Variants in MYO5B observed in about 807,000 individuals in gnomAD.
The protein encoded by MYO5B is myosin VB, also known as unconventional myosin-Vb.
A neutral mutation model predicts 229.3 loss-of-function variants in MYO5B; 143 were observed. That is an observed-to-expected ratio of 0.62 (90% confidence interval 0.54 to 0.72). The LOEUF is 0.72. MYO5B is among the 30% of genes least tolerant of loss of function. MYO5B has a pLI of 0.00. For missense variants in MYO5B, 2,321 were observed against 2,331.0 expected, an observed-to-expected ratio of 1.00 and a Z score of 0.09; for synonymous variants, 918 against 885.2, an observed-to-expected ratio of 1.04 and a Z score of -0.66.
intron 4 of MYO5B, among the ~76,000 whole-genome samples, chr18:50,003,522 G>A (rs2026069619): frequency 2.6e-5 from 4 of 152,166 alleles, no homozygotes; most frequent in African/African-American, 4.8e-5. Context: ...AAACCTAGAG[G>A]ATAATGACAG....
Position 50,013,955 on chromosome 18 carries a change from G to A in MYO5B, c.456-12544C>T, listed in dbSNP as rs565123395. 3.3e-5 allele frequency among the ~76,000 whole-genome samples: 5 copies of A among 152,316 alleles called. No homozygotes were observed. The South Asian group carries it at 6.2e-4, about 19-fold the overall frequency. On this transcript the variant is annotated intron_variant, in intron 4 of 39. Coordinates refer to ENST00000285039, the MANE Select transcript of MYO5B (RefSeq NM_001080467.3). Reference sequence around the variant, plus strand: ...CCCACAGGTTACAGCCTCAGGTGCCGCTGGGTATGCTTGCTGAGTCACCAT... The same window carrying A: ...CCCACAGGTTACAGCCTCAGGTGCCACTGGGTATGCTTGCTGAGTCACCAT...
intron 14 of MYO5B, among the ~76,000 whole-genome samples, chr18:49,949,359 C>G (rs1254611027): frequency 2.6e-5 from 4 of 151,836 alleles, no homozygotes; most frequent in African/African-American, 9.7e-5. Context: ...AACCTCCATC[C>G]TTTAGTATTT....
chr18:50,013,012 G>C (rs889847604), intron 4 of MYO5B, among the ~76,000 whole-genome samples: 5 of 152,286 alleles, frequency 3.3e-5, no homozygotes, highest in African/African-American at 1.2e-4. Flanking sequence ...AGTGAGTGCT[G>C]GCTGTACTTA....
intron 1 of MYO5B, among the ~76,000 whole-genome samples, chr18:50,188,456 A>C (rs932898852): frequency 1.3e-5 from 2 of 152,102 alleles, no homozygotes; most frequent in Non-Finnish European, 2.9e-5. Flanking sequence ...TTTATCACCA[A>C]ACACACTGAA....
intron 39 of MYO5B, among the ~76,000 whole-genome samples, chr18:49,829,236 T>A (rs765036323): frequency 2.0e-5 from 3 of 151,786 alleles, no homozygotes; most frequent in Admixed American, 6.6e-5. Flanking sequence ...GTGGGAAGAC[T>A]AAAATGAGAA....
intron 33 of MYO5B, among the ~76,000 whole-genome samples, chr18:49,846,530 C>T (rs568733354): frequency 3.3e-5 from 5 of 152,172 alleles, no homozygotes; most frequent in Non-Finnish European, 7.4e-5. Flanking sequence ...GGTCTGAACA[C>T]AGCCCATGTG....
At chr18:49,932,070 ACCT>A in intron 16 of MYO5B, among the ~76,000 whole-genome samples, 1 of 152,124 alleles carries the variant, frequency 6.6e-6, no homozygotes, top group Middle Eastern at 3.4e-3. Context: ...TTCTTCCAGG[ACCT>A]CCTACTGTTT....
rs1173123084 is a variant in MYO5B, at chr18:49,837,543, G to A, written c.5112C>T (p.Cys1704=). The change falls in exon 37 of 40, where the codon TGC becomes TGT. Residue 1704 remains cysteine, a synonymous_variant. Transcript: ENST00000285039. ...TGAGTTGCATGCCTGTGCTCCAAGA[G>A]CAGACGTCCTTCCGCAAGAGCAGGT... The part of the protein sequence containing the change: ...LNNLLLRKDV[C]SWSTGMQLRY... 6 of 1,613,856 alleles carry A rather than the reference G, an allele frequency of 3.7e-6. No homozygotes were observed. The African/African-American group carries it at 4.0e-5, about 11-fold the overall frequency.
chr18:49,973,443 G>T (rs2025712355), intron 10 of MYO5B, among the ~76,000 whole-genome samples: 1 of 152,194 alleles, frequency 6.6e-6, no homozygotes, highest in Admixed American at 6.5e-5. Context: ...GAGTGTCACT[G>T]TTCTTACGAC....
intron 14 of MYO5B, among the ~76,000 whole-genome samples, chr18:49,945,325 G>A (rs892680977): frequency 2.6e-5 from 4 of 152,204 alleles, no homozygotes; most frequent in South Asian, 2.1e-4. Context: ...TGGGAACTCC[G>A]AATTCAATAC....
At chr18:49,947,917 T>C (rs1022930592) in intron 14 of MYO5B, among the ~76,000 whole-genome samples, 2 of 140,128 alleles carry the variant, frequency 1.4e-5, no homozygotes, top group African/African-American at 3.1e-5. Context: ...GTTTGTTACA[T>C]CTGTATACAT....
At chr18:49,872,292 G>A (rs527560465) in intron 26 of MYO5B, 60 bp from the exon 27 acceptor site, 3 of 1,551,308 alleles carry the variant, frequency 1.9e-6, no homozygotes, top group South Asian at 2.2e-5. Flanking sequence ...CCACAGAGGT[G>A]TTTCCAACTG....
At chr18:50,178,139 C>A (rs1204371319) in intron 1 of MYO5B, among the ~76,000 whole-genome samples, 2 of 152,186 alleles carry the variant, frequency 1.3e-5, no homozygotes, top group East Asian at 3.8e-4. Flanking sequence ...GAGTGGAAGA[C>A]ATCTCTGCTG....
At chr18:50,075,774 C>T (rs544875982) in intron 1 of MYO5B, among the ~76,000 whole-genome samples, 4 of 152,338 alleles carry the variant, frequency 2.6e-5, no homozygotes, top group South Asian at 2.1e-4. Flanking sequence ...CCAGGAGAGA[C>T]GAGTTTTCAT....
At position 49,822,920 on chromosome 18, in the gene MYO5B, A is replaced by G. The variant is rs1371933709; in HGVS notation, c.*3551T>C. 6.6e-6 allele frequency: 1 copy of G among 152,226 alleles called. No homozygotes were observed. Among genetic ancestry groups the G allele is most frequent in the Non-Finnish European group, 1.5e-5 (1 of 68,032 alleles). 9.4% of individuals were successfully genotyped at this position (152,226 alleles called of 1,614,324 possible). A position where few individuals can be genotyped will look rare whatever the true frequency, so the allele number is the denominator to read the frequency against. On this transcript the variant is annotated 3_prime_UTR_variant, in exon 40 of 40. Coordinates refer to ENST00000285039, the MANE Select transcript of MYO5B (RefSeq NM_001080467.3). ...AAAGGTGTAGTTTACAGATTTGTGC[A>G]AAGTGGGAAAATATTTTCATCAGTA...
intron 1 of MYO5B, among the ~76,000 whole-genome samples, chr18:50,189,058 A>ATGAGCCTCAGAAGGAAAG (rs2144361047): frequency 6.6e-6 from 1 of 152,306 alleles, no homozygotes; most frequent in East Asian, 1.9e-4. Context: ...AAGACAGAGA[A>ATGAGCCTCAGAAGGAAAG]TGAGCCTCAG....
chr18:49,916,427 C>T (rs1022061940), intron 17 of MYO5B, among the ~76,000 whole-genome samples: 4 of 152,214 alleles, frequency 2.6e-5, no homozygotes, highest in Non-Finnish European at 5.9e-5. Flanking sequence ...GTGGAGAGAA[C>T]ATCACCCACC....
Position 50,010,015 on chromosome 18 carries a change from G to A in MYO5B, c.456-8604C>T, listed in dbSNP as rs145080735. Among the ~76,000 whole-genome samples, 966 of 152,282 alleles carry A rather than the reference G, an allele frequency of 6.3e-3. 7 individuals carry two copies. The highest frequency in any genetic ancestry group is 0.023 in the South Asian group (109 of 4,812). ...ACCATACCCTCCCTACCAGGCCAGG[G>A]CACCACTCAGCCACAGCCCAGAACT... On this transcript the variant is annotated intron_variant, in intron 4 of 39. Transcript: ENST00000285039.
chr18:49,980,428 T>G lies in MYO5B; in HGVS notation c.1056+16A>C, dbSNP rs377760733. ...AATTGTGTTCATTTTATCTCCGGTG[T>G]TGGTGTGCAACTTACTGATATACTA... On this transcript the variant is annotated intron_variant, in intron 9 of 39. Transcript: ENST00000285039. The G allele has an allele frequency of 4.5e-6, 7 of 1,540,394 alleles. No individual in the cohort carries two copies. Among genetic ancestry groups the G allele is most frequent in the Non-Finnish European group, 6.3e-6 (7 of 1,112,848 alleles).
Sources: allele counts gnomAD v4.1 joint callset (sites outside exome capture counted in the v4.1 genomes callset), GRCh38; gene constraint gnomAD v4.1.1; transcripts MANE v1.5; gene names NCBI Gene and HGNC (gene_info 2026-07-23, HGNC 2026-07-21).